GABRD: variants seen among roughly 807,000 people sequenced by gnomAD.
GABRD encodes gamma-aminobutyric acid type A receptor subunit delta.
In GABRD, 25 loss-of-function variants were observed where a neutral mutation model predicts 47.3. The observed-to-expected ratio is 0.53, with a 90% CI of 0.39 to 0.74. The LOEUF (loss-of-function observed/expected upper bound fraction) is 0.74, where lower values mean the gene tolerates loss of function less well. GABRD is among the 30% of genes least tolerant of loss of function. The pLI, the probability that GABRD is intolerant of heterozygous loss-of-function variation, is 0.00. For missense variants in GABRD, 497 were observed against 643.4 expected (o/e 0.77, Z 2.46); for synonymous variants, 314 against 278.8 (o/e 1.13, Z -1.26).
Position 2,019,509 on chromosome 1 carries a change from G to A in GABRD, c.68+18G>A, listed in dbSNP as rs952639317. 3.8e-4 allele frequency: 270 copies of A among 704,402 alleles called. 1 individual carries two copies. In the African/African-American group the frequency reaches 4.7e-3, roughly 12 times the overall value. The allele number at this position is 704,402 out of a possible 1,614,324, so 43.6% of individuals were successfully genotyped here. On this transcript the variant is annotated intron_variant, in intron 1 of 8. Coordinates refer to ENST00000378585, the MANE Select transcript of GABRD (RefSeq NM_000815.5). ...GGCACCAGGTGAGCGGGCGGGGTCC[G>A]CGCGGCGCGGGGTCGGGGGCGGTGG... is the stretch of plus-strand genomic sequence containing the variant.
intron 4 of GABRD, among the ~76,000 whole-genome samples, chr1:2,026,319 G>T (rs1300161404): frequency 6.6e-6 from 1 of 152,256 alleles, no homozygotes; most frequent in Non-Finnish European, 1.5e-5. Flanking sequence ...CCCAGTGGAA[G>T]CCGGAGTCAG....
rs769125045 is a variant in GABRD, at chr1:2,029,241, G to A, written c.822G>A (p.Ala274=). Reference sequence around the variant, plus strand: ...GGGTCTCCTTCTGGATCAGCCAGGCGGCGGTGCCCGCCAGGGTGTCTCTAG... The same window carrying A: ...GGGTCTCCTTCTGGATCAGCCAGGCAGCGGTGCCCGCCAGGGTGTCTCTAG... The part of the protein sequence containing the change: ...MSWVSFWISQ[A]AVPARVSLGI... Residue 274 remains alanine (A), a synonymous_variant, in exon 7 of 9, where the codon GCG becomes GCA. Transcript: ENST00000378585. 4.3e-5 allele frequency: 68 copies of A among 1,566,860 alleles called. No homozygotes were observed. Among genetic ancestry groups the A allele is most frequent in the Admixed American group, 1.3e-4 (7 of 52,748 alleles).
Position 2,029,709 on chromosome 1 carries a change from G to A in GABRD, c.1006G>A (p.Asp336Asn), listed in dbSNP as rs1200416339. 2 of 1,613,456 alleles carry A rather than the reference G, an allele frequency of 1.2e-6. No homozygotes were observed. The highest frequency in any genetic ancestry group is 1.7e-5 in the Admixed American group (1 of 60,034). Residue 336 changes from aspartate (D) to asparagine (N), a missense_variant, in exon 8 of 9, where the codon GAC (aspartate) becomes AAC (asparagine). By Grantham distance (23) the Asp-to-Asn change is conservative. Transcript: ENST00000378585. ...GTACGCCTTTGCTCATTTCAACGCC[G>A]ACTACAGGAAGAAGCAGAAGGCCAA... ...VEYAFAHFNA[D>N]YRKKQKAKVK...
Position 2,028,063 on chromosome 1 carries a change from C to G in GABRD, c.554-92C>G, listed in dbSNP as rs930779458. 2.1e-6 allele frequency: 3 copies of G among 1,426,906 alleles called. No homozygotes were observed. In the African/African-American group the frequency reaches 4.2e-5, roughly 20 times the overall value. The allele number at this position is 1,426,906 out of a possible 1,614,324, so 88.4% of individuals were successfully genotyped here. A position where few individuals can be genotyped will look rare whatever the true frequency, so the allele number is the denominator to read the frequency against. On this transcript the variant is annotated intron_variant, in intron 5 of 8. Coordinates refer to ENST00000378585, the MANE Select transcript of GABRD (RefSeq NM_000815.5). The surrounding 1 kb of genome is among the most constrained non-coding windows in gnomAD (Gnocchi z 6.4). The stretch of plus-strand genomic sequence containing the variant: ...GGTCCCCATCACGATGGCGTCGGCC[C>G]CCTGCAGGCTTCCTGTGTGGACGGA...
intron 1 of GABRD, among the ~76,000 whole-genome samples, chr1:2,023,201 G>A (rs1203586282): frequency 6.6e-6 from 1 of 152,106 alleles, no homozygotes; most frequent in African/African-American, 2.4e-5. Context: ...CTTAGCCTGA[G>A]GCACCAGACC....
chr1:2,020,297 G>A (rs1259778118), intron 1 of GABRD, among the ~76,000 whole-genome samples: 1 of 152,234 alleles, frequency 6.6e-6, no homozygotes, highest in East Asian at 1.9e-4. Context: ...CCTTCCCTAG[G>A]AGTCACGAGA....
chr1:2,026,583 C>G (rs1447693898), intron 4 of GABRD: 1 of 152,162 alleles, frequency 6.6e-6, no homozygotes, highest in African/African-American at 2.4e-5. Context: ...CGCCTGTAAT[C>G]CCAGCACTTT....
intron 1 of GABRD, 134 bp downstream of exon 1, chr1:2,019,625 C>A (rs1299930053): frequency 2.5e-6 from 1 of 407,558 alleles, no homozygotes; most frequent in Non-Finnish European, 3.5e-6. Flanking sequence ...CCGCGTCCTC[C>A]CTCCCCGGGG....
Position 2,024,993 on chromosome 1 carries a change from G to A in GABRD, c.120G>A (p.Trp40Ter). The A allele has an allele frequency of 6.2e-7, 1 of 1,612,948 alleles. No homozygotes were observed. Among genetic ancestry groups the A allele is most frequent in the South Asian group, 1.1e-5 (1 of 91,090 alleles). ...DYVGSNLEISWLPNLDGLIAG... is the reference protein window; with the variant it reads ...DYVGSNLEIS Reference sequence around the variant, plus strand: ...TGGGCTCCAACCTGGAGATCTCCTGGCTCCCCAACCTGGACGGGCTGATAG... The same window carrying A: ...TGGGCTCCAACCTGGAGATCTCCTGACTCCCCAACCTGGACGGGCTGATAG... The change falls in exon 2 of 9, where the codon TGG (tryptophan) becomes TGA (stop). Residue 40 changes from tryptophan (W) to a stop codon, truncating the protein, a stop_gained. Coordinates refer to ENST00000378585, the MANE Select transcript of GABRD (RefSeq NM_000815.5). LOFTEE classifies it high-confidence loss of function.
At position 2,028,108 on chromosome 1, in the gene GABRD, C is replaced by A; in HGVS notation, c.554-47C>A. ...GACGGAGCGCTCCTGCCAGGGCTCC[C>A]GGGGCAGGGCCGGGCTCTGCCGCCC... On this transcript the variant is annotated intron_variant, in intron 5 of 8. Coordinates refer to ENST00000378585, the MANE Select transcript of GABRD (RefSeq NM_000815.5). The surrounding 1 kb of genome is among the most constrained non-coding windows in gnomAD (Gnocchi z 6.4). 6.3e-7 allele frequency: 1 copy of A among 1,583,192 alleles called. No individual in the cohort carries two copies.
At chr1:2,027,102 G>A (rs1401308907) in intron 4 of GABRD, 4 of 261,964 alleles carry the variant, frequency 1.5e-5, no homozygotes, top group Non-Finnish European at 3.0e-5. Flanking sequence ...GGTTGAGGCT[G>A]TAGTGAGTCA....
chr1:2,024,143 A>G (rs560920768), intron 1 of GABRD: 1 of 152,248 alleles, frequency 6.6e-6, no homozygotes, highest in Non-Finnish European at 1.5e-5. Flanking sequence ...TTCCCAAATA[A>G]GCTCACATTC....
chr1:2,019,803 G>A lies in GABRD; in HGVS notation c.68+312G>A, dbSNP rs1436182302. ...TCCCGGTTCCCCTGCTCCGCGGCGC[G>A]CGTGGAGGGTCCCCGGGTCCGCGGC... On this transcript the variant is annotated intron_variant, in intron 1 of 8. Transcript: ENST00000378585. Among the ~76,000 whole-genome samples the A allele has an allele frequency of 3.3e-5, 5 of 152,152 alleles. No individual in the cohort carries two copies. The East Asian group carries it at 9.7e-4, about 29-fold the overall frequency.
Position 2,030,387 on chromosome 1 carries a change from C to T in GABRD, c.*105C>T, listed in dbSNP as rs1293379506. The T allele has an allele frequency of 6.8e-6, 7 of 1,032,630 alleles. No individual in the cohort carries two copies. In the East Asian group the frequency reaches 1.2e-4, roughly 17 times the overall value. 64.0% of individuals were successfully genotyped at this position (1,032,630 alleles called of 1,614,324 possible). A position where few individuals can be genotyped will look rare whatever the true frequency, so the allele number is the denominator to read the frequency against. On this transcript the variant is annotated 3_prime_UTR_variant, in exon 9 of 9. Coordinates refer to ENST00000378585, the MANE Select transcript of GABRD (RefSeq NM_000815.5). ...GGGCTGCCTTCCCCTCTGCGTGTTT[C>T]GAAGTGGGATGACAGTCGGCCACGG...
In GABRD at chr1:2,027,509, G is replaced by C. The variant is rs1027734760; in HGVS notation, c.471-68G>C. ...GGTGCTCAGGGGGCATCTCTGCAGG[G>C]GAACTGCCAGGCTTTCGGGAGGGCT... On this transcript the variant is annotated intron_variant, in intron 4 of 8. Transcript: ENST00000378585. The C allele has an allele frequency of 6.1e-6, 8 of 1,308,832 alleles. No homozygotes were observed. In the African/African-American group the frequency reaches 1.0e-4, roughly 17 times the overall value. The allele number at this position is 1,308,832 out of a possible 1,614,324, so 81.1% of individuals were successfully genotyped here.
rs576499648 is a variant in GABRD at position 2,024,943 on chromosome 1, G to C, written c.70G>C (p.Ala24Pro). The C allele has an allele frequency of 6.2e-7, 1 of 1,609,662 alleles. No homozygotes were observed. Among genetic ancestry groups the C allele is most frequent in the African/African-American group, 1.3e-5 (1 of 74,988 alleles). The change falls in exon 2 of 9, where the codon GCG becomes CCG. Residue 24 changes from alanine to proline, a missense_variant and splice_region_variant. This residue lies in a region of GABRD where 91 missense variants were observed against 85.5 expected (regional missense o/e 1.06). Transcript: ENST00000378585. ...LCAQQLRGTR[A>P]MNDIGDYVGS... ...TGACCGGTGGCTTTGCATCCCCAGA[G>C]CGATGAATGACATCGGCGACTACGT...
chr1:2,021,622 C>T (rs1439452947), intron 1 of GABRD, among the ~76,000 whole-genome samples: 5 of 152,142 alleles, frequency 3.3e-5, no homozygotes, highest in Non-Finnish European at 7.3e-5. Context: ...CCCGTGCACG[C>T]GGCAGGCACC....
Position 2,028,292 on chromosome 1 carries a change from G to A in GABRD, c.691G>A (p.Ala231Thr), listed in dbSNP as rs1251068267. ...CACGGAGCTGATGAACTTCAAGTCC[G>A]GTAACATATGCCCGCCGCCCCTTCC... Reference protein sequence around the residue: ...FTTELMNFKSAGQFPRLSLHF... With the variant: ...FTTELMNFKSTGQFPRLSLHF... Residue 231 changes from alanine to threonine, a missense_variant and splice_region_variant, in exon 6 of 9, where the codon GCT (alanine) becomes ACT (threonine). By Grantham distance (58) the Ala-to-Thr change is moderately conservative. Transcript: ENST00000378585. This position sits in a 1 kb window ranked among gnomAD's most constrained non-coding sequence, Gnocchi z 6.4. 3.7e-6 allele frequency: 6 copies of A among 1,608,210 alleles called. No homozygotes were observed. Among genetic ancestry groups the A allele is most frequent in the South Asian group, 1.1e-5 (1 of 90,882 alleles).
chr1:2,023,636 T>A (rs1658842797), intron 1 of GABRD: 1 of 152,068 alleles, frequency 6.6e-6, no homozygotes, highest in South Asian at 2.1e-4. Context: ...CTGACTCAGG[T>A]CCCGGCCCCT....
Sources: gnomAD v4.1 joint callset for allele counts (sites outside exome capture counted in the v4.1 genomes callset) on GRCh38, gnomAD v4.1.1 for gene constraint, gnomAD v4.1.1 regional missense constraint, Gnocchi (gnomAD v3.1) non-coding constraint, MANE v1.5 for transcripts, NCBI Gene and HGNC (gene_info 2026-07-23, HGNC 2026-07-21) for gene names.